The following LRRD1 variants were observed in gnomAD, a reference collection of about 807,000 sequenced individuals.
LRRD1 encodes the protein leucine rich repeats and death domain containing 1.
LRRD1 carries 49 observed loss-of-function variants against 69.5 expected under a neutral mutation model. That is an observed-to-expected ratio of 0.70 (90% CI 0.56 to 0.89). The LOEUF (loss-of-function observed/expected upper bound fraction) is 0.89. LRRD1 is among the 40% of genes least tolerant of loss of function. LRRD1 has a pLI of 0.00. For missense variants in LRRD1, 853 were observed against 956.0 expected (o/e 0.89, Z 1.42); for synonymous variants, 303 against 338.9 (o/e 0.89, Z 1.16).
Position 92,159,214 on chromosome 7 carries a change from G to C in LRRD1, c.1918-11C>G. 3.5e-6 allele frequency: 5 copies of C among 1,444,078 alleles called. No homozygotes were observed. The highest frequency in any genetic ancestry group is 4.6e-6 in the Non-Finnish European group (5 of 1,090,266). 89.5% of individuals were successfully genotyped at this position (1,444,078 alleles called of 1,614,324 possible). ...TGGAAGTCTTGTTAGCTGTAACAAA[G>C]ATTACACAATTATACATTTATAAAT... On this transcript the variant is annotated splice_polypyrimidine_tract_variant and intron_variant, in intron 2 of 5. Transcript: ENST00000458448.
Position 92,164,187 on chromosome 7 carries a change from G to T in LRRD1, c.1016C>A (p.Thr339Asn), listed in dbSNP as rs1788852178. The T allele has an allele frequency of 1.9e-6, 3 of 1,548,492 alleles. No individual in the cohort carries two copies. Among genetic ancestry groups the T allele is most frequent in the Non-Finnish European group, 2.6e-6 (3 of 1,146,160 alleles). ...CTGAAAAATTTCTACAGCCAGAAAG[G>T]TAAGCTTATTGTGATCCATTAAAAG... ...ETLLMDHNKL[T>N]FLAVEIFQLL... The change falls in exon 2 of 6, where the codon ACC becomes AAC. Residue 339 changes from threonine to asparagine, a missense_variant. Physicochemically the swap from Thr to Asn is moderately conservative, Grantham distance 65. Coordinates refer to ENST00000458448, the MANE Select transcript of LRRD1 (RefSeq NM_001161528.2).
chr7:92,162,442 T>C (rs1250303231), intron 2 of LRRD1, among the ~76,000 whole-genome samples: 1 of 152,184 alleles, frequency 6.6e-6, no homozygotes, highest in Non-Finnish European at 1.5e-5. Flanking sequence ...CTGCCTTAGA[T>C]AATAGCTGTG....
chr7:92,161,604 G>A (rs573594010), intron 2 of LRRD1, among the ~76,000 whole-genome samples: 17 of 152,300 alleles, frequency 1.1e-4, no homozygotes, highest in Admixed American at 3.3e-4. Context: ...GGAAAATGAG[G>A]GAGATAACCC....
chr7:92,172,599 A>G (rs1789081008), intron 1 of LRRD1, among the ~76,000 whole-genome samples: 1 of 152,198 alleles, frequency 6.6e-6, no homozygotes, highest in African/African-American at 2.4e-5. Flanking sequence ...AATAGCTGCA[A>G]ATAATATAAA....
rs1448724925 is a variant in LRRD1, at chr7:92,165,110, G to T, written c.93C>A (p.Gly31=). The change falls in exon 2 of 6, where the codon GGC becomes GGA. Residue 31 remains glycine (G), a synonymous_variant. Transcript: ENST00000458448. ...TCAAATTTGATGTTTCTTTAATAAAGCCAGGCTCCTTCATTGACTGTGATC... is the reference window on the plus strand; with the variant it reads ...TCAAATTTGATGTTTCTTTAATAAATCCAGGCTCCTTCATTGACTGTGATC... ...ESRSQSMKEP[G]FIKETSNLIN... 5.2e-6 allele frequency: 8 copies of T among 1,551,170 alleles called. No homozygotes were observed. The African/African-American group carries it at 6.9e-5, about 13-fold the overall frequency.
chr7:92,157,780 T>G (rs867762726), intron 3 of LRRD1, among the ~76,000 whole-genome samples: 75 of 151,982 alleles, frequency 4.9e-4, no homozygotes, highest in African/African-American at 1.6e-3. Flanking sequence ...TTTCACCATA[T>G]TGGCCAGGCT....
intron 3 of LRRD1, among the ~76,000 whole-genome samples, chr7:92,151,659 A>G (rs921450721): frequency 6.6e-6 from 1 of 152,082 alleles, no homozygotes; most frequent in Non-Finnish European, 1.5e-5. Flanking sequence ...ATGTAAACCT[A>G]AGATAAAAAG....
Position 92,164,146 on chromosome 7 carries a change from C to G in LRRD1, c.1057G>C (p.Glu353Gln), listed in dbSNP as rs1421155812. ...AATTTATTGTCGGCCAGTTGGAGTT[C>G]TTTTATTTTGAGTAACTGAAAAATT... ...VEIFQLLKIK[E>Q]LQLADNKLEV... The change falls in exon 2 of 6, where the codon GAA becomes CAA. Residue 353 changes from glutamate (E) to glutamine (Q), a missense_variant. By Grantham distance (29) the Glu-to-Gln change is conservative. Coordinates refer to ENST00000458448, the MANE Select transcript of LRRD1 (RefSeq NM_001161528.2). The G allele has an allele frequency of 6.5e-7, 1 of 1,548,832 alleles. No individual in the cohort carries two copies. Among genetic ancestry groups the G allele is most frequent in the East Asian group, 2.5e-5 (1 of 40,782 alleles).
At chr7:92,163,049 T>C (rs1788822618) in intron 2 of LRRD1, among the ~76,000 whole-genome samples, 1 of 152,264 alleles carries the variant, frequency 6.6e-6, no homozygotes, top group Non-Finnish European at 1.5e-5. Context: ...TATAGAATTG[T>C]CAGCTTTCAT....
downstream of LRRD1, among the ~76,000 whole-genome samples, chr7:92,143,468 G>A (rs1383442277): frequency 6.6e-6 from 1 of 152,182 alleles, no homozygotes; most frequent in Non-Finnish European, 1.5e-5. Context: ...CCACGGAAGT[G>A]GGGGAGGCTC....
chr7:92,154,608 G>A (rs764141197), intron 3 of LRRD1, among the ~76,000 whole-genome samples: 1 of 151,666 alleles, frequency 6.6e-6, no homozygotes, highest in African/African-American at 2.4e-5. Context: ...TTATCTAGAA[G>A]TTTTGTAGTT....
chr7:92,171,826 G>C (rs1789063387), intron 1 of LRRD1, among the ~76,000 whole-genome samples: 1 of 152,218 alleles, frequency 6.6e-6, no homozygotes, highest in African/African-American at 2.4e-5. Flanking sequence ...CTATGATCAA[G>C]TGCGATTCAT....
intron 3 of LRRD1, among the ~76,000 whole-genome samples, chr7:92,157,840 G>T (rs149418019): frequency 0.016 from 2,485 of 151,870 alleles, 59 homozygotes; most frequent in African/African-American, 0.057. Flanking sequence ...GCCTCCCAAA[G>T]TGCTGGAATT....
chr7:92,177,870 C>G (rs1789230930), intron 1 of LRRD1, among the ~76,000 whole-genome samples: 1 of 152,150 alleles, frequency 6.6e-6, no homozygotes, highest in Non-Finnish European at 1.5e-5. Context: ...ATTCTTTAAA[C>G]AGCACAGATA....
chr7:92,172,900 A>G (rs1298952874), intron 1 of LRRD1, among the ~76,000 whole-genome samples: 1 of 152,236 alleles, frequency 6.6e-6, no homozygotes, highest in East Asian at 1.9e-4. Context: ...AATCCTGAGC[A>G]TAAAGACCAA....
chr7:92,175,624 G>A (rs1488701473), intron 1 of LRRD1, among the ~76,000 whole-genome samples: 2 of 152,062 alleles, frequency 1.3e-5, no homozygotes, highest in African/African-American at 2.4e-5. Flanking sequence ...ACTCCAGCCT[G>A]GGCAACAAGA....
At chr7:92,166,268 C>T (rs1405529852) in intron 1 of LRRD1, among the ~76,000 whole-genome samples, 2 of 152,114 alleles carry the variant, frequency 1.3e-5, no homozygotes, top group East Asian at 3.8e-4. Context: ...TAGCTACTTC[C>T]TATGTTTACT....
chr7:92,164,478 TAA>T lies in LRRD1; in HGVS notation c.723_724del (p.Phe241LeufsTer2). 6.5e-7 allele frequency: 1 copy of T among 1,549,920 alleles called. No homozygotes were observed. The highest frequency in any genetic ancestry group is 8.7e-7 in the Non-Finnish European group (1 of 1,146,186). ...AGGAAAATTTTCAATGTAATTGTTATAAAAAAAGAGTTGTCTGATATTCCCAA... is the reference window on the plus strand; with the variant it reads ...AGGAAAATTTTCAATGTAATTGTTATAAAAAGAGTTGTCTGATATTCCCAA... On this transcript the variant is annotated frameshift_variant, in exon 2 of 6. Transcript: ENST00000458448. LOFTEE classifies it high-confidence loss of function.
intron 1 of LRRD1, among the ~76,000 whole-genome samples, chr7:92,168,727 T>C (rs893530970): frequency 6.7e-6 from 1 of 149,344 alleles, no homozygotes; most frequent in Non-Finnish European, 1.5e-5. Flanking sequence ...ACACATCCAG[T>C]AGAAACCCAA....
Sources: allele counts gnomAD v4.1 joint callset (sites outside exome capture counted in the v4.1 genomes callset), GRCh38; gene constraint gnomAD v4.1.1; transcripts MANE v1.5; gene names NCBI Gene and HGNC (gene_info 2026-07-23, HGNC 2026-07-21).